Variants in IMMP2L observed in about 807,000 individuals in gnomAD.
IMMP2L encodes inner mitochondrial membrane peptidase subunit 2, also known as mitochondrial inner membrane protease subunit 2.
Under a neutral mutation model 19.3 loss-of-function variants are expected in IMMP2L, and 18 were observed. The observed-to-expected ratio is 0.93, with a 90% CI of 0.64 to 1.38. IMMP2L has a LOEUF of 1.38. Ranked by LOEUF, IMMP2L falls within the 40% of genes most tolerant of loss-of-function variation. The probability of loss-of-function intolerance (pLI) is 0.00; values close to 1 mark genes in which losing one functional copy is unlikely to be tolerated. For missense variants in IMMP2L, 233 were observed against 218.2 expected (o/e 1.07, Z -0.43); for synonymous variants, 76 against 73.0 (o/e 1.04, Z -0.21).
intron 3 of IMMP2L, chr7:111,124,980 A>C: frequency 1.0e-6 from 1 of 959,038 alleles, no homozygotes; most frequent in Non-Finnish European, 1.5e-6. Context: ...AACAAAACAA[A>C]ACAAACAAAC....
chr7:111,011,224 T>G (rs961588432), intron 3 of IMMP2L, among the ~76,000 whole-genome samples: 1 of 152,140 alleles, frequency 6.6e-6, no homozygotes, highest in African/African-American at 2.4e-5. Flanking sequence ...TTAATCATGT[T>G]GAATTATGAA....
At chr7:110,832,839 T>C (rs1804089339) in intron 5 of IMMP2L, among the ~76,000 whole-genome samples, 3 of 152,044 alleles carry the variant, frequency 2.0e-5, no homozygotes, top group Non-Finnish European at 2.9e-5. Flanking sequence ...CATATAGAAA[T>C]AGACACAGAA....
chr7:111,553,977 A>G (rs917208383), intron 1 of IMMP2L, among the ~76,000 whole-genome samples: 5 of 152,196 alleles, frequency 3.3e-5, no homozygotes, highest in Admixed American at 6.5e-5. Context: ...CTATTTTTCA[A>G]TGATGGCCTT....
intron 3 of IMMP2L, among the ~76,000 whole-genome samples, chr7:111,208,241 A>T (rs1490959976): frequency 6.6e-6 from 1 of 152,188 alleles, no homozygotes; most frequent in Admixed American, 6.5e-5. Context: ...GTGCATAATC[A>T]TTCAAAAAAG....
chr7:110,964,011 T>C (rs1161008231), intron 3 of IMMP2L, among the ~76,000 whole-genome samples: 2 of 82,518 alleles, frequency 2.4e-5, no homozygotes, highest in Non-Finnish European at 5.1e-5. Flanking sequence ...TTCTCCCTCA[T>C]GTTGTTCTCA....
At chr7:111,551,589 G>T (rs1849469887) in intron 1 of IMMP2L, among the ~76,000 whole-genome samples, 1 of 151,552 alleles carries the variant, frequency 6.6e-6, no homozygotes, top group African/African-American at 2.4e-5. Flanking sequence ...CTAACAAAGA[G>T]TCCAAATATC....
At chr7:110,914,766 A>G (rs1257800127) in intron 4 of IMMP2L, among the ~76,000 whole-genome samples, 3 of 146,592 alleles carry the variant, frequency 2.0e-5, no homozygotes, top group African/African-American at 7.6e-5. Context: ...TTAATTTGGT[A>G]CAATAGTTTT....
At chr7:111,494,099 A>T (rs1020336791) in intron 2 of IMMP2L, among the ~76,000 whole-genome samples, 31 of 152,196 alleles carry the variant, frequency 2.0e-4, no homozygotes, top group Non-Finnish European at 2.5e-4. Context: ...ATGGCCACAG[A>T]ATCTGTATTT....
intron 5 of IMMP2L, among the ~76,000 whole-genome samples, chr7:110,666,923 G>A (rs961995490): frequency 6.6e-6 from 1 of 152,112 alleles, no homozygotes; most frequent in Non-Finnish European, 1.5e-5. Context: ...GTAGGCCGGA[G>A]TGCAGTGGCA....
intron 3 of IMMP2L, among the ~76,000 whole-genome samples, chr7:111,031,859 A>C (rs1390544277): frequency 6.6e-6 from 1 of 152,130 alleles, no homozygotes; most frequent in African/African-American, 2.4e-5. Context: ...ATACATAATG[A>C]AAAGGCACTT....
At chr7:110,884,645 G>A (rs1057474828) in intron 5 of IMMP2L, among the ~76,000 whole-genome samples, 5 of 151,948 alleles carry the variant, frequency 3.3e-5, no homozygotes, top group African/African-American at 1.2e-4. Context: ...TGATGAGAGA[G>A]ACATAAAATG....
At chr7:110,767,353 C>A (rs575058759) in intron 5 of IMMP2L, among the ~76,000 whole-genome samples, 15 of 152,222 alleles carry the variant, frequency 9.9e-5, no homozygotes, top group African/African-American at 2.9e-4. Context: ...AATTTACTTT[C>A]AGTATGGGTT....
rs183332033 is a variant in IMMP2L at position 110,994,545 on chromosome 7, A to G, written c.240-30980T>C. Among the ~76,000 whole-genome samples the G allele has an allele frequency of 3.3e-5, 5 of 152,240 alleles. No homozygotes were observed. The East Asian group carries it at 9.7e-4, about 29-fold the overall frequency. The stretch of plus-strand genomic sequence containing the variant: ...TCTTTCTCACTTTCTCTCTTTGACC[A>G]TACTGATGCCAGAAACATCCAATGG... On this transcript the variant is annotated intron_variant, in intron 3 of 5. Coordinates refer to ENST00000405709, the MANE Select transcript of IMMP2L (RefSeq NM_032549.4).
chr7:111,527,093 C>A (rs890511246), intron 1 of IMMP2L, among the ~76,000 whole-genome samples: 8 of 152,042 alleles, frequency 5.3e-5, no homozygotes, highest in Admixed American at 2.6e-4. Flanking sequence ...AGGTAGATAT[C>A]TGTCTCTGTC....
At chr7:111,090,261 T>C (rs1427651687) in intron 3 of IMMP2L, among the ~76,000 whole-genome samples, 1 of 152,190 alleles carries the variant, frequency 6.6e-6, no homozygotes, top group Non-Finnish European at 1.5e-5. Flanking sequence ...GTATGGCTTA[T>C]ATAGTATATT....
chr7:110,809,161 G>T (rs1399190349), intron 5 of IMMP2L, among the ~76,000 whole-genome samples: 1 of 151,892 alleles, frequency 6.6e-6, no homozygotes, highest in African/African-American at 2.4e-5. Flanking sequence ...TTGGTGGGCA[G>T]GCAAAAAGCA....
intron 3 of IMMP2L, among the ~76,000 whole-genome samples, chr7:110,993,682 T>C (rs1463792572): frequency 6.6e-6 from 1 of 151,916 alleles, no homozygotes; most frequent in Non-Finnish European, 1.5e-5. Context: ...TTTCTGTCAA[T>C]GTCCAACTGG....
At chr7:111,308,418 G>GTCTTC (rs2130202137) in intron 3 of IMMP2L, among the ~76,000 whole-genome samples, 1 of 152,098 alleles carries the variant, frequency 6.6e-6, no homozygotes, top group South Asian at 2.1e-4. Context: ...AGTGGGGATA[G>GTCTTC]TGCAGGAGTG....
At chr7:110,805,832 C>T (rs573621102) in intron 5 of IMMP2L, among the ~76,000 whole-genome samples, 1 of 151,874 alleles carries the variant, frequency 6.6e-6, no homozygotes, top group South Asian at 2.1e-4. Context: ...TATTTTGAAA[C>T]TTTTCTAAAA....
Sources: gnomAD v4.1 joint callset for allele counts (sites outside exome capture counted in the v4.1 genomes callset) on GRCh38, gnomAD v4.1.1 for gene constraint, MANE v1.5 for transcripts, NCBI Gene and HGNC (gene_info 2026-07-23, HGNC 2026-07-21) for gene names.